Variants in ATG10 observed in about 807,000 individuals in gnomAD.
ATG10 encodes autophagy related 10.
In ATG10, 30 loss-of-function variants were observed where a neutral mutation model predicts 32.1. That is an observed-to-expected ratio of 0.94 (90% confidence interval 0.70 to 1.27). The LOEUF is 1.27. ATG10 is among the 50% of genes most tolerant of loss of function. ATG10 has a pLI of 0.00. For missense variants in ATG10, 233 were observed against 262.3 expected (o/e 0.89, Z 0.77); for synonymous variants, 87 against 91.5 (o/e 0.95, Z 0.28).
chr5:82,172,653 C>T (rs1191905810), intron 4 of ATG10, among the ~76,000 whole-genome samples: 2 of 152,062 alleles, frequency 1.3e-5, no homozygotes, highest in African/African-American at 4.8e-5. Context: ...AACTCTATAG[C>T]CCATTTTTCA....
intron 5 of ATG10, among the ~76,000 whole-genome samples, chr5:82,240,657 T>C (rs1427149531): frequency 6.6e-6 from 1 of 152,170 alleles, no homozygotes; most frequent in African/African-American, 2.4e-5. Context: ...GAAGAGTAGA[T>C]TTGGAATGTT....
intron 3 of ATG10, among the ~76,000 whole-genome samples, chr5:82,160,061 G>T (rs1415657742): frequency 6.6e-6 from 1 of 152,106 alleles, no homozygotes; most frequent in African/African-American, 2.4e-5. Context: ...GTGTCTGTGT[G>T]TGTGTATTTG....
chr5:81,973,484 T>G (rs1159665849), intron 1 of ATG10, among the ~76,000 whole-genome samples: 3 of 152,252 alleles, frequency 2.0e-5, no homozygotes, highest in African/African-American at 7.2e-5. Flanking sequence ...CTTCAGTGTT[T>G]ATGCTCAGTT....
At chr5:82,162,222 G>T (rs183363127) in intron 3 of ATG10, among the ~76,000 whole-genome samples, 5 of 151,868 alleles carry the variant, frequency 3.3e-5, no homozygotes, top group Admixed American at 3.3e-4. Flanking sequence ...TCAGAAAATA[G>T]GTAAAGAATA....
chr5:82,152,056 A>G lies in ATG10; in HGVS notation c.217-12343A>G, dbSNP rs755700603. On this transcript the variant is annotated intron_variant, in intron 3 of 7. Coordinates refer to ENST00000282185, the MANE Select transcript of ATG10 (RefSeq NM_031482.5). Reference sequence around the variant, plus strand: ...TAAAACACACAAAGAAGAACAAAAAATTACATATTCAATCAAATTGCTCTC... The same window carrying G: ...TAAAACACACAAAGAAGAACAAAAAGTTACATATTCAATCAAATTGCTCTC... Among the ~76,000 whole-genome samples the G allele has an allele frequency of 2.0e-5, 3 of 152,236 alleles. No homozygotes were observed. The South Asian group carries it at 6.2e-4, about 31-fold the overall frequency.
At chr5:82,172,000 A>G (rs1743826228) in intron 4 of ATG10, among the ~76,000 whole-genome samples, 1 of 152,148 alleles carries the variant, frequency 6.6e-6, no homozygotes, top group Non-Finnish European at 1.5e-5. Context: ...ACCATAAGAG[A>G]GGTAAAAGGC....
chr5:82,039,394 A>C (rs1006036034), intron 2 of ATG10, among the ~76,000 whole-genome samples: 13 of 152,192 alleles, frequency 8.5e-5, no homozygotes, highest in Admixed American at 3.3e-4. Context: ...AGCAAAATTC[A>C]TTCAAAATGG....
At chr5:82,091,630 A>G (rs1443770732) in intron 3 of ATG10, among the ~76,000 whole-genome samples, 1 of 152,172 alleles carries the variant, frequency 6.6e-6, no homozygotes, top group Non-Finnish European at 1.5e-5. Context: ...CCTCTTGCAG[A>G]TTTCACTGTA....
At chr5:82,002,327 C>T (rs1761873760) in intron 2 of ATG10, among the ~76,000 whole-genome samples, 7 of 152,108 alleles carry the variant, frequency 4.6e-5, no homozygotes, top group Admixed American at 3.9e-4. Flanking sequence ...ATCATTCTGC[C>T]ATAAACACAT....
At chr5:82,128,994 C>T (rs1302344339) in intron 3 of ATG10, among the ~76,000 whole-genome samples, 5 of 151,788 alleles carry the variant, frequency 3.3e-5, no homozygotes, top group African/African-American at 1.2e-4. Flanking sequence ...TTCAAGTACA[C>T]CAATCCAATG....
At chr5:82,048,843 G>A (rs932427880) in intron 2 of ATG10, among the ~76,000 whole-genome samples, 71 of 152,266 alleles carry the variant, frequency 4.7e-4, no homozygotes, top group African/African-American at 1.3e-3. Context: ...CAAAACCACA[G>A]TGAGATACCA....
intron 3 of ATG10, among the ~76,000 whole-genome samples, chr5:82,144,016 A>G (rs950657184): frequency 1.3e-5 from 2 of 152,208 alleles, no homozygotes; most frequent in Admixed American, 1.3e-4. Flanking sequence ...TTAAAGATAT[A>G]GAGCTATTTA....
chr5:82,034,910 TTATC>T (rs1165678909), intron 2 of ATG10, among the ~76,000 whole-genome samples: 9 of 152,120 alleles, frequency 5.9e-5, no homozygotes, highest in African/African-American at 1.4e-4. Flanking sequence ...ATTTATTTGT[TTATC>T]TATTATTATT....
chr5:82,042,907 G>C (rs373213734), intron 2 of ATG10, among the ~76,000 whole-genome samples: 1 of 152,260 alleles, frequency 6.6e-6, no homozygotes, highest in South Asian at 2.1e-4. Context: ...AGTGCCTACA[G>C]CTTTTCCAGG....
At chr5:82,129,499 G>C (rs896851151) in intron 3 of ATG10, among the ~76,000 whole-genome samples, 2 of 152,084 alleles carry the variant, frequency 1.3e-5, no homozygotes, top group African/African-American at 4.8e-5. Context: ...TTTGGTCTTT[G>C]ATGCTGAAGC....
At chr5:82,018,899 C>T (rs1762363886) in intron 2 of ATG10, among the ~76,000 whole-genome samples, 1 of 152,194 alleles carries the variant, frequency 6.6e-6, no homozygotes, top group Non-Finnish European at 1.5e-5. Flanking sequence ...CGTCTTCTTA[C>T]ATACTATTTA....
chr5:82,049,681 A>C (rs982306022), intron 2 of ATG10, among the ~76,000 whole-genome samples: 14 of 152,324 alleles, frequency 9.2e-5, no homozygotes, highest in Admixed American at 6.5e-4. Flanking sequence ...AACAGAGTGA[A>C]GGTATGGTGT....
Position 82,080,291 on chromosome 5 carries a change from A to C in ATG10, c.216+21689A>C, listed in dbSNP as rs149865023. 6.6e-3 allele frequency among the ~76,000 whole-genome samples: 999 copies of C among 151,854 alleles called. 6 individuals carry two copies. Among genetic ancestry groups the C allele is most frequent in the African/African-American group, 0.02 (832 of 41,378 alleles). On this transcript the variant is annotated intron_variant, in intron 3 of 7. Transcript: ENST00000282185. ...TTTGTCAGATGAGTAGATTGCAAAA[A>C]TTTTCTCCCATTTTGTAGGTTGCCT...
intron 3 of ATG10, among the ~76,000 whole-genome samples, chr5:82,136,407 G>T (rs886195894): frequency 2.6e-5 from 4 of 152,164 alleles, no homozygotes; most frequent in Non-Finnish European, 1.5e-5. Flanking sequence ...AGGAGCTCTT[G>T]TAAGGCAGGC....
Sources: allele counts gnomAD v4.1 joint callset (sites outside exome capture counted in the v4.1 genomes callset), GRCh38; gene constraint gnomAD v4.1.1; transcripts MANE v1.5; gene names NCBI Gene and HGNC (gene_info 2026-07-23, HGNC 2026-07-21).